ALOX5: variants seen among roughly 807,000 people sequenced by gnomAD.
The protein encoded by ALOX5 is arachidonate 5-lipoxygenase, also known as polyunsaturated fatty acid 5-lipoxygenase.
ALOX5 carries 64 observed loss-of-function variants against 87.9 expected under a neutral mutation model. The ratio of observed to expected loss-of-function variants is 0.73; its 90% CI spans 0.60 to 0.90. ALOX5 has a LOEUF of 0.90. Ranked by LOEUF, ALOX5 falls within the 40% of genes least tolerant of loss-of-function variation. The probability of loss-of-function intolerance (pLI) is 0.00; values close to 1 mark genes in which losing one functional copy is unlikely to be tolerated. For synonymous variants in ALOX5, 388 were observed against 355.1 expected (o/e 1.09, Z -1.04); for missense variants, 822 against 907.5 (o/e 0.91, Z 1.21).
chr10:45,388,815 G>A (rs748293045), intron 2 of ALOX5, among the ~76,000 whole-genome samples: 10 of 152,208 alleles, frequency 6.6e-5, no homozygotes, highest in African/African-American at 2.2e-4. Flanking sequence ...GCAGCTCCTC[G>A]CGAGTGGTGG....
intron 1 of ALOX5, among the ~76,000 whole-genome samples, chr10:45,376,119 A>G (rs2132661630): frequency 6.6e-6 from 1 of 152,334 alleles, no homozygotes; most frequent in Middle Eastern, 3.4e-3. Flanking sequence ...TGCAGGGGAC[A>G]TGATAACGTG....
In ALOX5 at chr10:45,443,509, G is replaced by A; in HGVS notation, c.1545G>A (p.Val515=). 6.2e-7 allele frequency: 1 copy of A among 1,613,112 alleles called. No individual in the cohort carries two copies. Among genetic ancestry groups the A allele is most frequent in the Non-Finnish European group, 8.5e-7 (1 of 1,179,544 alleles). Residue 515 remains valine, a synonymous_variant, in exon 11 of 14, where the codon GTG becomes GTA. Transcript: ENST00000374391. ...ELQDFVNDVY[V]YGMRGRKSSG... is the part of the protein sequence containing the mutation. ...AGGACTTCGTGAACGATGTCTACGT[G>A]TACGGCATGCGGGGCCGCAAGTCCT...
intron 7 of ALOX5, among the ~76,000 whole-genome samples, chr10:45,436,764 A>AT (rs371228291): frequency 2.0e-5 from 3 of 151,140 alleles, no homozygotes; most frequent in East Asian, 1.9e-4. Flanking sequence ...GAATTTTAGG[A>AT]TTTTTTTTTC....
intron 3 of ALOX5, among the ~76,000 whole-genome samples, chr10:45,396,733 A>G (rs1589001188): frequency 6.6e-6 from 1 of 152,230 alleles, no homozygotes; most frequent in African/African-American, 2.4e-5. Context: ...TCTCATACCC[A>G]TATTATACCA....
chr10:45,418,693 G>C (rs1339224515), intron 4 of ALOX5, among the ~76,000 whole-genome samples: 1 of 152,194 alleles, frequency 6.6e-6, no homozygotes, highest in Non-Finnish European at 1.5e-5. Context: ...GGGCTGCAGC[G>C]GAGAGAGACT....
At chr10:45,385,817 A>G (rs190459780) in intron 2 of ALOX5, among the ~76,000 whole-genome samples, 3 of 152,178 alleles carry the variant, frequency 2.0e-5, no homozygotes, top group Non-Finnish European at 4.4e-5. Flanking sequence ...CCCAGTTCCA[A>G]GCTCAAGGAT....
chr10:45,422,712 G>C (rs1285522393), intron 4 of ALOX5, among the ~76,000 whole-genome samples: 1 of 152,224 alleles, frequency 6.6e-6, no homozygotes, highest in Admixed American at 6.5e-5. Flanking sequence ...TCACTCCAGT[G>C]AGCCCTCCAG....
At chr10:45,426,766 C>T (rs1841719303) in intron 6 of ALOX5, among the ~76,000 whole-genome samples, 1 of 152,186 alleles carries the variant, frequency 6.6e-6, no homozygotes, top group South Asian at 2.1e-4. Flanking sequence ...CCTGCACTGT[C>T]TCTCTCTCGC....
chr10:45,442,815 A>G, intron 9 of ALOX5: 1 of 563,914 alleles, frequency 1.8e-6, no homozygotes, highest in Non-Finnish European at 3.1e-6. Flanking sequence ...CCCACGGTTC[A>G]GTCCCTTGCA....
At chr10:45,437,395 CTT>C (rs1842091394) in intron 7 of ALOX5, among the ~76,000 whole-genome samples, 1 of 152,094 alleles carries the variant, frequency 6.6e-6, no homozygotes, top group African/African-American at 2.4e-5. Context: ...GATTTTGTAT[CTT>C]GAGTGTAGAA....
At chr10:45,402,249 C>CA (rs1424985735) in intron 3 of ALOX5, among the ~76,000 whole-genome samples, 4 of 152,142 alleles carry the variant, frequency 2.6e-5, no homozygotes, top group African/African-American at 9.7e-5. Flanking sequence ...CCCCTATGCC[C>CA]AGCCACCCAC....
chr10:45,435,794 C>T (rs757301870), intron 7 of ALOX5, among the ~76,000 whole-genome samples: 9 of 152,160 alleles, frequency 5.9e-5, no homozygotes, highest in Non-Finnish European at 1.3e-4. Context: ...TGGGTAGGTA[C>T]ACAGTAATGG....
intron 4 of ALOX5, among the ~76,000 whole-genome samples, chr10:45,417,843 C>T (rs539544761): frequency 3.9e-5 from 6 of 152,298 alleles, no homozygotes; most frequent in Admixed American, 3.9e-4. Context: ...CACACCCACC[C>T]TCCCCACTTC....
At chr10:45,391,791 C>T (rs1346659562) in intron 2 of ALOX5, among the ~76,000 whole-genome samples, 5 of 151,678 alleles carry the variant, frequency 3.3e-5, no homozygotes, top group Middle Eastern at 3.2e-3. Flanking sequence ...GCCGCCCTGT[C>T]TGAGAAGTGA....
intron 1 of ALOX5, among the ~76,000 whole-genome samples, chr10:45,376,333 G>A (rs1588972948): frequency 6.6e-6 from 1 of 151,770 alleles, no homozygotes; most frequent in East Asian, 1.9e-4. Flanking sequence ...CAGGGGTGGG[G>A]CGGGGGGTGG....
At position 45,445,795 on chromosome 10, in the gene ALOX5, C is replaced by G; in HGVS notation, c.*108C>G. ...CCTCTTGGCAGTCACATCTCTTCCTCCGAGGCCAGTACCTTTCCATTTATT... is the reference window on the plus strand; with the variant it reads ...CCTCTTGGCAGTCACATCTCTTCCTGCGAGGCCAGTACCTTTCCATTTATT... On this transcript the variant is annotated 3_prime_UTR_variant, in exon 14 of 14. Transcript: ENST00000374391. The G allele has an allele frequency of 8.3e-7, 1 of 1,209,976 alleles. No homozygotes were observed. The highest frequency in any genetic ancestry group is 1.2e-6 in the Non-Finnish European group (1 of 852,364). 75.0% of individuals were successfully genotyped at this position (1,209,976 alleles called of 1,614,324 possible).
At chr10:45,407,586 T>G (rs941743857) in intron 3 of ALOX5, among the ~76,000 whole-genome samples, 3 of 152,190 alleles carry the variant, frequency 2.0e-5, no homozygotes, top group Admixed American at 1.3e-4. Context: ...TACACAATTT[T>G]CATGTAAGAG....
intron 4 of ALOX5, among the ~76,000 whole-genome samples, chr10:45,414,135 T>C (rs193002805): frequency 6.6e-6 from 1 of 152,170 alleles, no homozygotes; most frequent in African/African-American, 2.4e-5. Flanking sequence ...GCCAAGACAA[T>C]CCTAAGCCAA....
intron 6 of ALOX5, chr10:45,428,232 C>CCGA (rs1261886972): frequency 5.8e-6 from 1 of 173,012 alleles, no homozygotes; most frequent in African/African-American, 2.4e-5. Context: ...GTTGAGTTCG[C>CCGA]CAGTTTTGAC....
Sources: gnomAD v4.1 joint callset for allele counts (sites outside exome capture counted in the v4.1 genomes callset) on GRCh38, gnomAD v4.1.1 for gene constraint, MANE v1.5 for transcripts, NCBI Gene and HGNC (gene_info 2026-07-23, HGNC 2026-07-21) for gene names.